The following ASTN2 variants were observed in gnomAD, a reference collection of about 807,000 sequenced individuals.
ASTN2 encodes astrotactin 2, also known as astrotactin-2.
Under a neutral mutation model 139.8 loss-of-function variants are expected in ASTN2, and 54 were observed. The observed-to-expected ratio is 0.39, with a 90% CI of 0.31 to 0.48. The LOEUF is 0.48. Among genes scored for constraint, ASTN2 ranks in the 20% least tolerant of loss-of-function variants. The pLI is 0.95. For synonymous variants in ASTN2, 756 were observed against 719.5 expected (o/e 1.05, Z -0.81); for missense variants, 1,565 against 1,725.1 (o/e 0.91, Z 1.64).
chr9:116,789,115 T>C lies in ASTN2; in HGVS notation c.2396+16517A>G, dbSNP rs920558607. The stretch of plus-strand genomic sequence containing the variant: ...AAGAAGTAGGGAATTAATCGAAACT[T>C]ACAGGGATATCCTTTAGAGCAACTT... On this transcript the variant is annotated intron_variant, in intron 13 of 22. Coordinates refer to ENST00000313400, the MANE Select transcript of ASTN2 (RefSeq NM_001365068.1). 5.3e-5 allele frequency among the ~76,000 whole-genome samples: 8 copies of C among 152,246 alleles called. No individual in the cohort carries two copies. In the East Asian group the frequency reaches 1.4e-3, roughly 26 times the overall value.
intron 2 of ASTN2, among the ~76,000 whole-genome samples, chr9:117,252,438 C>G (rs1833563742): frequency 6.6e-6 from 1 of 152,186 alleles, no homozygotes; most frequent in African/African-American, 2.4e-5. Flanking sequence ...GGGTCTTCAG[C>G]TAATACTTGC....
chr9:116,894,549 G>T (rs1026009210), intron 10 of ASTN2, among the ~76,000 whole-genome samples: 4 of 152,132 alleles, frequency 2.6e-5, no homozygotes, highest in African/African-American at 9.7e-5. Context: ...GAGTACAGTT[G>T]CATAAACATG....
chr9:117,106,232 T>C (rs568727968), intron 4 of ASTN2, among the ~76,000 whole-genome samples: 1 of 152,276 alleles, frequency 6.6e-6, no homozygotes, highest in African/African-American at 2.4e-5. Context: ...TTTTCTTCTT[T>C]TTTTTTTCTT....
intron 19 of ASTN2, among the ~76,000 whole-genome samples, chr9:116,587,003 A>G (rs533458246): frequency 6.6e-6 from 1 of 152,114 alleles, no homozygotes; most frequent in Non-Finnish European, 1.5e-5. Flanking sequence ...AGAGGCCACC[A>G]ATTCCCATCT....
intron 6 of ASTN2, among the ~76,000 whole-genome samples, chr9:117,031,773 G>A (rs1838254271): frequency 6.6e-6 from 1 of 152,078 alleles, no homozygotes; most frequent in Non-Finnish European, 1.5e-5. Context: ...AGAAATTTAA[G>A]AGCCAATATA....
chr9:117,262,076 G>A (rs1214782042), intron 2 of ASTN2, among the ~76,000 whole-genome samples: 3 of 152,058 alleles, frequency 2.0e-5, no homozygotes, highest in Non-Finnish European at 2.9e-5. Flanking sequence ...ATCAGAGAAC[G>A]ACATAAACAA....
At chr9:116,505,810 C>G (rs1850085287) in intron 19 of ASTN2, among the ~76,000 whole-genome samples, 1 of 152,112 alleles carries the variant, frequency 6.6e-6, no homozygotes, top group South Asian at 2.1e-4. Context: ...CTGTGCCCTC[C>G]TTGGTGCTCC....
At chr9:117,205,103 T>C (rs372860802) in intron 3 of ASTN2, among the ~76,000 whole-genome samples, 3 of 152,146 alleles carry the variant, frequency 2.0e-5, no homozygotes, top group African/African-American at 7.2e-5. Flanking sequence ...ATAAATAACA[T>C]TTGAGAAGGC....
intron 10 of ASTN2, among the ~76,000 whole-genome samples, chr9:116,923,982 C>T (rs1275421944): frequency 3.9e-5 from 6 of 152,160 alleles, no homozygotes; most frequent in Non-Finnish European, 8.8e-5. Flanking sequence ...GGAAGCTTCT[C>T]CTCTTGTTAC....
chr9:116,866,749 C>T (rs1291074047), intron 10 of ASTN2, among the ~76,000 whole-genome samples: 2 of 151,838 alleles, frequency 1.3e-5, no homozygotes, highest in East Asian at 1.9e-4. Flanking sequence ...AATATAGTAG[C>T]CAGGTGTGGG....
At chr9:117,153,736 T>A (rs574422235) in intron 3 of ASTN2, among the ~76,000 whole-genome samples, 105 of 152,102 alleles carry the variant, frequency 6.9e-4, no homozygotes, top group African/African-American at 2.5e-3. Flanking sequence ...ACCACATTAG[T>A]GATAATTGTG....
intron 3 of ASTN2, among the ~76,000 whole-genome samples, chr9:117,203,347 A>T (rs1018209707): frequency 8.1e-4 from 124 of 152,156 alleles, no homozygotes; most frequent in African/African-American, 2.9e-3. Flanking sequence ...CAATTCATCC[A>T]TTTGATCCTC....
At chr9:116,464,775 T>C (rs544312135) in intron 20 of ASTN2, among the ~76,000 whole-genome samples, 1 of 152,346 alleles carries the variant, frequency 6.6e-6, no homozygotes, top group East Asian at 1.9e-4. Flanking sequence ...GCTTTGAAGC[T>C]TGCTCTCTGG....
intron 11 of ASTN2, among the ~76,000 whole-genome samples, chr9:116,848,207 G>A (rs912997773): frequency 6.6e-6 from 1 of 152,200 alleles, no homozygotes; most frequent in African/African-American, 2.4e-5. Flanking sequence ...AACAGGCTTG[G>A]AGAGGGAAGA....
intron 19 of ASTN2, among the ~76,000 whole-genome samples, chr9:116,527,029 C>G (rs1232835501): frequency 6.6e-6 from 1 of 152,112 alleles, no homozygotes; most frequent in Non-Finnish European, 1.5e-5. Context: ...ACATCATGTA[C>G]AAAAGTCAAC....
At chr9:116,629,703 G>T (rs1281004166) in intron 17 of ASTN2, among the ~76,000 whole-genome samples, 3 of 152,072 alleles carry the variant, frequency 2.0e-5, no homozygotes, top group Non-Finnish European at 4.4e-5. Flanking sequence ...CCCCTGTCAG[G>T]ATAAGCTTCA....
intron 4 of ASTN2, among the ~76,000 whole-genome samples, chr9:117,096,491 C>T (rs1041969999): frequency 3.3e-5 from 5 of 152,242 alleles, no homozygotes; most frequent in African/African-American, 4.8e-5. Context: ...ATACCTGGTC[C>T]GCAGTACATC....
chr9:117,260,406 C>G (rs927552548), intron 2 of ASTN2, among the ~76,000 whole-genome samples: 1 of 152,124 alleles, frequency 6.6e-6, no homozygotes, highest in Admixed American at 6.6e-5. Context: ...AAATAAGTGC[C>G]AAGATTGAGG....
At chr9:117,275,547 G>T (rs776548643) in intron 2 of ASTN2, among the ~76,000 whole-genome samples, 1 of 147,106 alleles carries the variant, frequency 6.8e-6, no homozygotes, top group Admixed American at 6.9e-5. Context: ...TTTCACTGAT[G>T]TCTTTTATCT....
Sources: allele counts gnomAD v4.1 joint callset (sites outside exome capture counted in the v4.1 genomes callset), GRCh38; gene constraint gnomAD v4.1.1; transcripts MANE v1.5; gene names NCBI Gene and HGNC (gene_info 2026-07-23, HGNC 2026-07-21).